The following EHHADH variants were observed in gnomAD, a reference collection of about 807,000 sequenced individuals.
EHHADH encodes the protein peroxisomal bifunctional enzyme.
Under a neutral mutation model 64.4 loss-of-function variants are expected in EHHADH, and 48 were observed. The ratio of observed to expected loss-of-function variants is 0.75; its 90% CI spans 0.59 to 0.95. EHHADH has a LOEUF of 0.95. Among genes scored for constraint, EHHADH ranks in the 40% least tolerant of loss-of-function variants. The pLI is 0.00. For missense variants in EHHADH, 854 were observed against 876.6 expected, an observed-to-expected ratio of 0.97 and a Z score of 0.33; for synonymous variants, 308 against 326.7, an observed-to-expected ratio of 0.94 and a Z score of 0.62.
chr3:185,194,806 A>AAAAAAAAAAAAAAAAAC (rs1718015128), intron 6 of EHHADH, among the ~76,000 whole-genome samples: 1 of 134,086 alleles, frequency 7.5e-6, no homozygotes, highest in Non-Finnish European at 1.6e-5. Context: ...GTCTCAAAAA[A>AAAAAAAAAAAAAAAAAC]AAAAAAAAAA....
intron 4 of EHHADH, among the ~76,000 whole-genome samples, chr3:185,227,809 A>G (rs763829214): frequency 5.9e-5 from 9 of 152,106 alleles, no homozygotes; most frequent in Non-Finnish European, 1.3e-4. Flanking sequence ...CTGGGCAACT[A>G]GAGCAAAACT....
At chr3:185,253,599 G>T in intron 1 of EHHADH, among the ~76,000 whole-genome samples, 1 of 131,946 alleles carries the variant, frequency 7.6e-6, no homozygotes, top group Non-Finnish European at 1.6e-5. Context: ...TAAAAAGTCG[G>T]CCTGCAAAGC....
chr3:185,224,792 T>C (rs1420053742), intron 4 of EHHADH, among the ~76,000 whole-genome samples: 1 of 152,222 alleles, frequency 6.6e-6, no homozygotes, highest in African/African-American at 2.4e-5. Context: ...TGACCTCTCC[T>C]GCCATCTTCA....
chr3:185,221,242 A>C (rs1191262945), intron 4 of EHHADH, among the ~76,000 whole-genome samples: 1 of 152,094 alleles, frequency 6.6e-6, no homozygotes, highest in African/African-American at 2.4e-5. Context: ...CTCATTTTAC[A>C]CTATTATGAT....
chr3:185,192,726 A>T lies in EHHADH; in HGVS notation c.1672T>A (p.Tyr558Asn), dbSNP rs767966069. 6.2e-7 allele frequency: 1 copy of T among 1,613,994 alleles called. No homozygotes were observed. Among genetic ancestry groups the T allele is most frequent in the Non-Finnish European group, 8.5e-7 (1 of 1,180,010 alleles). ...TPARKRGNRR[Y>N]CPIPDVLCEL... ...CAGAGCACATCAGGAATTGGGCAGT[A>T]CCTCCTATTACCCCTTTTTCGGGCA... is the stretch of plus-strand genomic sequence containing the variant. The change falls in exon 7 of 7, where the codon TAC becomes AAC. Residue 558 changes from tyrosine to asparagine, a missense_variant. Physicochemically the swap from Tyr to Asn is moderately radical, Grantham distance 143. Coordinates refer to ENST00000231887, the MANE Select transcript of EHHADH (RefSeq NM_001966.4).
Position 185,204,518 on chromosome 3 carries a change from A to G in EHHADH, c.808T>C (p.Tyr270His). Reference sequence around the variant, plus strand: ...GCTTTCCTTTCAGCGAAGAAAGCATATTGCAGGGCTCTAGCCTGCCCTGAT... The same window carrying G: ...GCTTTCCTTTCAGCGAAGAAAGCATGTTGCAGGGCTCTAGCCTGCCCTGAT... ...LQSGQARALQ[Y>H]AFFAERKANK... Residue 270 changes from tyrosine (Y) to histidine (H), a missense_variant, in exon 6 of 7, where the codon TAT (tyrosine) becomes CAT (histidine). Transcript: ENST00000231887. The G allele has an allele frequency of 6.2e-7, 1 of 1,614,216 alleles. No individual in the cohort carries two copies. The highest frequency in any genetic ancestry group is 8.5e-7 in the Non-Finnish European group (1 of 1,180,048).
At chr3:185,203,904 C>A (rs1718298336) in intron 6 of EHHADH, among the ~76,000 whole-genome samples, 1 of 152,050 alleles carries the variant, frequency 6.6e-6, no homozygotes, top group Admixed American at 6.6e-5. Context: ...ATTTGGGACG[C>A]TAAGGCAGGT....
At chr3:185,220,222 T>C (rs976780349) in intron 4 of EHHADH, among the ~76,000 whole-genome samples, 1 of 152,198 alleles carries the variant, frequency 6.6e-6, no homozygotes, top group Non-Finnish European at 1.5e-5. Context: ...TTCACAAAAT[T>C]GGAAGAGTAC....
rs759836155 is a variant in EHHADH at position 185,192,572 on chromosome 3, A to G, written c.1826T>C (p.Ile609Thr). The change falls in exon 7 of 7, where the codon ATT (isoleucine) becomes ACT (threonine). Residue 609 changes from isoleucine (I) to threonine (T), a missense_variant. Coordinates refer to ENST00000231887, the MANE Select transcript of EHHADH (RefSeq NM_001966.4). The stretch of plus-strand genomic sequence containing the variant: ...ATCCTGGCTAATGGTACGTGGTTCA[A>G]TGTGATGGGTTTTTCTATACCGTGA... Reference protein sequence around the residue: ...FLSRYRKTHHIEPRTISQDEI... With the variant: ...FLSRYRKTHHTEPRTISQDEI... The G allele has an allele frequency of 6.2e-6, 10 of 1,614,064 alleles. No homozygotes were observed. The highest frequency in any genetic ancestry group is 3.3e-5 in the Admixed American group (2 of 60,006).
intron 5 of EHHADH, among the ~76,000 whole-genome samples, chr3:185,214,932 T>G (rs1718642428): frequency 6.6e-6 from 1 of 152,192 alleles, no homozygotes; most frequent in Non-Finnish European, 1.5e-5. Flanking sequence ...TTCCTAAGAA[T>G]AGAAAAACTA....
At chr3:185,221,188 T>C (rs1285649087) in intron 4 of EHHADH, among the ~76,000 whole-genome samples, 1 of 152,156 alleles carries the variant, frequency 6.6e-6, no homozygotes, top group Non-Finnish European at 1.5e-5. Flanking sequence ...TATTCAATAT[T>C]CCCCCATATA....
At chr3:185,241,580 G>C (rs749244262) in intron 2 of EHHADH, among the ~76,000 whole-genome samples, 2 of 152,068 alleles carry the variant, frequency 1.3e-5, no homozygotes, top group Non-Finnish European at 2.9e-5. Flanking sequence ...TCATATGCTT[G>C]TTGGCCAATT....
chr3:185,253,774 AAAG>A lies in EHHADH; in HGVS notation c.74+172_74+174del, dbSNP rs1719816645. Reference sequence around the variant, plus strand: ...GCTAATCTAGGTTAAAAAAAAAAAAAAAGAAAAGAAAAAGAAAGAAAGAAAAGA... The same window carrying A: ...GCTAATCTAGGTTAAAAAAAAAAAAAAAAAGAAAAAGAAAGAAAGAAAAGA... On this transcript the variant is annotated intron_variant, in intron 1 of 6. Coordinates refer to ENST00000231887, the MANE Select transcript of EHHADH (RefSeq NM_001966.4). The A allele has an allele frequency of 7.4e-6, 10 of 1,347,164 alleles. No individual in the cohort carries two copies. In the East Asian group the frequency reaches 8.0e-5, roughly 11 times the overall value. The allele number at this position is 1,347,164 out of a possible 1,614,324, so 83.5% of individuals were successfully genotyped here.
intron 6 of EHHADH, among the ~76,000 whole-genome samples, chr3:185,197,491 CTA>C (rs943957636): frequency 5.3e-5 from 8 of 152,176 alleles, no homozygotes; most frequent in Admixed American, 1.3e-4. Context: ...ATTCTATTTT[CTA>C]TATCTGTGCA....
At chr3:185,240,774 A>T (rs544226026) in intron 2 of EHHADH, among the ~76,000 whole-genome samples, 17 of 151,938 alleles carry the variant, frequency 1.1e-4, no homozygotes, top group Non-Finnish European at 2.2e-4. Context: ...TATATTTGTA[A>T]TATTTTCATA....
intron 4 of EHHADH, among the ~76,000 whole-genome samples, chr3:185,222,325 G>C (rs1189963914): frequency 6.6e-6 from 1 of 152,150 alleles, no homozygotes; most frequent in Non-Finnish European, 1.5e-5. Context: ...GGAGGCTGCA[G>C]TGAGCCGAGA....
At chr3:185,210,669 G>C (rs1718517996) in intron 5 of EHHADH, among the ~76,000 whole-genome samples, 2 of 151,902 alleles carry the variant, frequency 1.3e-5, no homozygotes, top group Non-Finnish European at 2.9e-5. Context: ...TTTAAAGGTG[G>C]GGCCTAGTAA....
chr3:185,204,156 AAAG>A (rs376996680), intron 6 of EHHADH, among the ~76,000 whole-genome samples: 4 of 150,406 alleles, frequency 2.7e-5, no homozygotes, highest in East Asian at 1.9e-4. Flanking sequence ...AAAAAAAAAA[AAAG>A]AATAAAACAT....
At chr3:185,208,843 A>G (rs1718465995) in intron 5 of EHHADH, among the ~76,000 whole-genome samples, 1 of 152,246 alleles carries the variant, frequency 6.6e-6, no homozygotes, top group Non-Finnish European at 1.5e-5. Context: ...TTCAGCAATA[A>G]AAAGGATCAA....
Sources: allele counts gnomAD v4.1 joint callset (sites outside exome capture counted in the v4.1 genomes callset), GRCh38; gene constraint gnomAD v4.1.1; transcripts MANE v1.5; gene names NCBI Gene and HGNC (gene_info 2026-07-23, HGNC 2026-07-21).